Variants in CSNK2A1 observed in about 807,000 individuals in gnomAD.
CSNK2A1 encodes casein kinase 2 alpha 1, also known as casein kinase II subunit alpha.
In CSNK2A1, 10 loss-of-function variants were observed where a neutral mutation model predicts 62.9. The ratio of observed to expected loss-of-function variants is 0.16; its 90% CI spans 0.10 to 0.27. CSNK2A1 has a LOEUF of 0.27. Ranked by LOEUF, CSNK2A1 falls within the 10% of genes least tolerant of loss-of-function variation. CSNK2A1 has a pLI of 1.00. For missense variants in CSNK2A1, 160 were observed against 492.0 expected, an observed-to-expected ratio of 0.33 and a Z score of 6.38; for synonymous variants, 124 against 167.8, an observed-to-expected ratio of 0.74 and a Z score of 2.02.
At chr20:543,601 GC>G in intron 1 of CSNK2A1, 70 bp downstream of exon 1, 1 of 397,184 alleles carries the variant, frequency 2.5e-6, no homozygotes, top group East Asian at 3.6e-5. Flanking sequence ...GTGAGGGTCG[GC>G]CGCGCTCCGC....
intron 2 of CSNK2A1, among the ~76,000 whole-genome samples, chr20:522,673 G>T (rs193186007): frequency 2.7e-5 from 4 of 150,420 alleles, no homozygotes; most frequent in Non-Finnish European, 5.9e-5. Context: ...GTATTATACC[G>T]ATGTTAATTT....
intron 10 of CSNK2A1, 175 bp downstream of exon 10, chr20:489,605 A>G (rs1276768009): frequency 2.2e-6 from 1 of 459,726 alleles, no homozygotes; most frequent in Non-Finnish European, 3.8e-6. Context: ...AATGCAAATG[A>G]CAAAGACTAG....
Position 483,731 on chromosome 20 carries a change from T to G in CSNK2A1, c.*230A>C. 1 of 315,874 alleles carries G rather than the reference T, an allele frequency of 3.2e-6. No homozygotes were observed. Among genetic ancestry groups the G allele is most frequent in the South Asian group, 1.5e-4 (1 of 6,512 alleles). The allele number at this position is 315,874 out of a possible 1,614,324, so 19.6% of individuals were successfully genotyped here. On this transcript the variant is annotated 3_prime_UTR_variant, in exon 14 of 14. Transcript: ENST00000217244. The stretch of plus-strand genomic sequence containing the variant: ...TGAAATATTCCACCTGCAGGTAATT[T>G]TTCAGGGAATCCCCTGAGTTATGAA...
At chr20:518,820 G>A (rs2018883292) in intron 2 of CSNK2A1, among the ~76,000 whole-genome samples, 1 of 150,732 alleles carries the variant, frequency 6.6e-6, no homozygotes, top group East Asian at 1.9e-4. Flanking sequence ...CTCCCAAAGT[G>A]CTGGGATTAC....
At chr20:494,231 T>A (rs1452305898) in intron 8 of CSNK2A1, 1 of 152,224 alleles carries the variant, frequency 6.6e-6, no homozygotes, top group Non-Finnish European at 1.5e-5. Context: ...GGTTTCACCA[T>A]GTTGGCCAGG....
At chr20:511,447 AT>A (rs2018716379) in intron 2 of CSNK2A1, among the ~76,000 whole-genome samples, 1 of 152,218 alleles carries the variant, frequency 6.6e-6, no homozygotes, top group Admixed American at 6.5e-5. Context: ...ATTTCTACAA[AT>A]TTTTACCATC....
intron 2 of CSNK2A1, among the ~76,000 whole-genome samples, chr20:518,957 A>G (rs1205490597): frequency 7.6e-6 from 1 of 130,782 alleles, no homozygotes; most frequent in African/African-American, 2.9e-5. Context: ...TTTTTTTGCC[A>G]CAAAGTCTTG....
chr20:488,131 C>T (rs2018140849), intron 11 of CSNK2A1: 1 of 163,536 alleles, frequency 6.1e-6, no homozygotes, highest in Non-Finnish European at 1.3e-5. Context: ...GCATTCCCTC[C>T]TGGGCTCAAG....
At chr20:530,054 T>C (rs1285437690) in intron 1 of CSNK2A1, among the ~76,000 whole-genome samples, 1 of 152,058 alleles carries the variant, frequency 6.6e-6, no homozygotes, top group Non-Finnish European at 1.5e-5. Context: ...AAATGGTGTG[T>C]TTTCGTATAT....
chr20:502,433 C>T (rs1252899375), intron 4 of CSNK2A1: 2 of 152,146 alleles, frequency 1.3e-5, no homozygotes, highest in Admixed American at 6.5e-5. Context: ...AACTACTCTA[C>T]AGAATGCTTC....
intron 2 of CSNK2A1, among the ~76,000 whole-genome samples, chr20:520,656 T>A (rs924503473): frequency 6.6e-6 from 1 of 152,130 alleles, no homozygotes; most frequent in South Asian, 2.1e-4. Flanking sequence ...TGTGTCACTA[T>A]GCCCTGCTAA....
chr20:524,769 G>A lies in CSNK2A1; in HGVS notation c.-110+3164C>T, dbSNP rs189104480. On this transcript the variant is annotated intron_variant, in intron 2 of 13. Coordinates refer to ENST00000217244, the MANE Select transcript of CSNK2A1 (RefSeq NM_177559.3). ...AACATGGGGTATATATTATATACAC[G>A]ATGTATACATGCACTGAAACATCAC... 2.0e-4 allele frequency among the ~76,000 whole-genome samples: 29 copies of A among 147,866 alleles called. No individual in the cohort carries two copies. The East Asian group carries it at 2.6e-3, about 13-fold the overall frequency.
intron 2 of CSNK2A1, among the ~76,000 whole-genome samples, chr20:510,733 T>C (rs2018702299): frequency 1.3e-5 from 2 of 152,094 alleles, no homozygotes. Context: ...ATCTTCTTAT[T>C]TGAAACAAGG....
At chr20:522,428 T>A (rs1432331301) in intron 2 of CSNK2A1, among the ~76,000 whole-genome samples, 1 of 152,192 alleles carries the variant, frequency 6.6e-6, no homozygotes, top group Non-Finnish European at 1.5e-5. Flanking sequence ...ATAACCACAA[T>A]TTAATCTTGA....
At chr20:497,241 A>G (rs1180655511) in intron 7 of CSNK2A1, among the ~76,000 whole-genome samples, 1 of 152,132 alleles carries the variant, frequency 6.6e-6, no homozygotes, top group Non-Finnish European at 1.5e-5. Context: ...CTGCTGCCTC[A>G]AATTCCTGAG....
At chr20:498,506 A>G in intron 6 of CSNK2A1, 1 of 152,210 alleles carries the variant, frequency 6.6e-6, no homozygotes, top group East Asian at 1.9e-4. Context: ...ATGCCCAGCC[A>G]CAGGTACGTC....
intron 3 of CSNK2A1, chr20:505,927 T>G (rs1403723739): frequency 2.2e-5 from 3 of 136,850 alleles, no homozygotes; most frequent in Non-Finnish European, 4.5e-5. Context: ...CAGGCTGGAG[T>G]GCAGTGGCGT....
Position 499,748 on chromosome 20 carries a change from G to A in CSNK2A1, c.315+85C>T. 2 of 1,240,758 alleles carry A rather than the reference G, an allele frequency of 1.6e-6. No individual in the cohort carries two copies. Among genetic ancestry groups the A allele is most frequent in the African/African-American group, 1.5e-5 (1 of 67,350 alleles). The allele number at this position is 1,240,758 out of a possible 1,614,324, so 76.9% of individuals were successfully genotyped here. A position where few individuals can be genotyped will look rare whatever the true frequency, so the allele number is the denominator to read the frequency against. ...GCAGGACTTAATGATGAGGGTTGGG[G>A]GAGGGAACAAAAAGAGGCCAGTTGT... On this transcript the variant is annotated intron_variant, in intron 5 of 13. Transcript: ENST00000217244. This position sits in a 1 kb window ranked among gnomAD's most constrained non-coding sequence, Gnocchi z 4.2.
At chr20:533,721 G>T (rs949529120) in intron 1 of CSNK2A1, among the ~76,000 whole-genome samples, 9 of 152,242 alleles carry the variant, frequency 5.9e-5, no homozygotes, top group African/African-American at 2.2e-4. Flanking sequence ...CCTTTTGTGT[G>T]AATTACATTT....
Sources: allele counts gnomAD v4.1 joint callset (sites outside exome capture counted in the v4.1 genomes callset), GRCh38; gene constraint gnomAD v4.1.1; non-coding constraint Gnocchi (gnomAD v3.1); transcripts MANE v1.5; gene names NCBI Gene and HGNC (gene_info 2026-07-23, HGNC 2026-07-21).